The following DLG2 variants were observed in gnomAD, a reference collection of about 807,000 sequenced individuals.
The protein encoded by DLG2 is discs large MAGUK scaffold protein 2, also known as disks large homolog 2.
A neutral mutation model predicts 132.5 loss-of-function variants in DLG2; 45 were observed. The observed-to-expected ratio is 0.34, with a 90% CI of 0.27 to 0.44. The LOEUF (loss-of-function observed/expected upper bound fraction) is 0.44. Among genes scored for constraint, DLG2 ranks in the 20% least tolerant of loss-of-function variants. The pLI is 1.00. For synonymous variants in DLG2, 424 were observed against 419.6 expected (o/e 1.01, Z -0.13); for missense variants, 1,045 against 1,196.9 (o/e 0.87, Z 1.87).
intron 7 of DLG2, among the ~76,000 whole-genome samples, chr11:84,358,722 GT>G (rs2098632598): frequency 6.6e-6 from 1 of 151,828 alleles, no homozygotes; most frequent in Admixed American, 6.6e-5. Context: ...GACATACTCA[GT>G]TTTATAACTG....
intron 5 of DLG2, among the ~76,000 whole-genome samples, chr11:85,128,174 A>G (rs1016030779): frequency 6.6e-6 from 1 of 152,184 alleles, no homozygotes; most frequent in African/African-American, 2.4e-5. Flanking sequence ...CTTTATTAAC[A>G]AATTATAGCA....
At chr11:84,850,026 A>T (rs2081989625) in intron 6 of DLG2, among the ~76,000 whole-genome samples, 1 of 152,096 alleles carries the variant, frequency 6.6e-6, no homozygotes, top group Non-Finnish European at 1.5e-5. Context: ...TTATTTATTC[A>T]ATTTTGCCTT....
intron 21 of DLG2, among the ~76,000 whole-genome samples, chr11:83,500,759 C>T (rs920764917): frequency 6.6e-6 from 1 of 151,948 alleles, no homozygotes; most frequent in African/African-American, 2.4e-5. Flanking sequence ...TTCCACTGAG[C>T]CCTTAGCAAT....
intron 21 of DLG2, among the ~76,000 whole-genome samples, chr11:83,522,814 CCTT>C (rs1378669151): frequency 7.4e-5 from 7 of 94,084 alleles, no homozygotes; most frequent in African/African-American, 1.3e-4. Context: ...GCCCCCCCCC[CCTT>C]TTTTTTTTAA....
In DLG2 at chr11:85,464,770, T is replaced by C. The variant is rs553302907; in HGVS notation, c.40+133887A>G. Among the ~76,000 whole-genome samples the C allele has an allele frequency of 8.6e-5, 13 of 151,876 alleles. No homozygotes were observed. In the East Asian group the frequency reaches 2.3e-3, roughly 27 times the overall value. Reference sequence around the variant, plus strand: ...AGGCAGTTTAGTTTGGGAAGACAGCTTGGGGGTCAGAAGCATGATTGAGGC... The same window carrying C: ...AGGCAGTTTAGTTTGGGAAGACAGCCTGGGGGTCAGAAGCATGATTGAGGC... On this transcript the variant is annotated intron_variant, in intron 3 of 27. Coordinates refer to ENST00000376104, the MANE Select transcript of DLG2 (RefSeq NM_001142699.3).
intron 13 of DLG2, among the ~76,000 whole-genome samples, 171 bp downstream of exon 13, chr11:83,965,153 G>A (rs2089910372): frequency 6.6e-6 from 1 of 151,990 alleles, no homozygotes; most frequent in African/African-American, 2.4e-5. Flanking sequence ...CTTCAAACAG[G>A]AGGTAAGGGC....
chr11:85,010,839 C>G (rs1260559206), intron 6 of DLG2, among the ~76,000 whole-genome samples: 2 of 152,064 alleles, frequency 1.3e-5, no homozygotes, highest in Non-Finnish European at 2.9e-5. Flanking sequence ...CAAAAACCAT[C>G]CACTCACCTT....
At chr11:83,875,889 G>A (rs1306747074) in intron 15 of DLG2, among the ~76,000 whole-genome samples, 1 of 152,134 alleles carries the variant, frequency 6.6e-6, no homozygotes, top group Non-Finnish European at 1.5e-5. Flanking sequence ...GTCTAAGGTT[G>A]AGGGTACAGA....
intron 19 of DLG2, among the ~76,000 whole-genome samples, chr11:83,585,379 C>T (rs7108984): frequency 1.3e-5 from 2 of 152,058 alleles, no homozygotes; most frequent in African/African-American, 4.8e-5. Flanking sequence ...ACTTTTGGCC[C>T]GTTTATAAAG....
chr11:83,890,258 C>A (rs780748777), intron 15 of DLG2, among the ~76,000 whole-genome samples: 1 of 151,812 alleles, frequency 6.6e-6, no homozygotes, highest in Non-Finnish European at 1.5e-5. Flanking sequence ...TTTCATTTCA[C>A]ATAGGAAAGA....
rs1226304778 is a variant in DLG2 at position 83,564,944 on chromosome 11, G to A, written c.1941-23086C>T. ...ATTCCAAGTTGCCATTGCACTTTAT[G>A]CATTACCTAATCCAAACAGTTTACA... On this transcript the variant is annotated intron_variant, in intron 19 of 27. Transcript: ENST00000376104. Among the ~76,000 whole-genome samples the A allele has an allele frequency of 2.6e-5, 4 of 152,020 alleles. No homozygotes were observed. The South Asian group carries it at 8.3e-4, about 32-fold the overall frequency.
intron 6 of DLG2, among the ~76,000 whole-genome samples, chr11:84,902,937 T>C (rs752785090): frequency 2.1e-5 from 3 of 144,888 alleles, no homozygotes; most frequent in African/African-American, 5.0e-5. Context: ...CCTAAATCTT[T>C]CTTCATTAGG....
At chr11:83,996,584 T>A (rs1192982055) in intron 11 of DLG2, among the ~76,000 whole-genome samples, 1 of 152,136 alleles carries the variant, frequency 6.6e-6, no homozygotes, top group Non-Finnish European at 1.5e-5. Context: ...GATCAACAGA[T>A]GAATGGATAC....
At chr11:85,484,297 A>T (rs1289327932) in intron 3 of DLG2, among the ~76,000 whole-genome samples, 1 of 133,320 alleles carries the variant, frequency 7.5e-6, no homozygotes, top group Non-Finnish European at 1.6e-5. Flanking sequence ...ATGGGCAAAG[A>T]CTTCATGTCT....
At chr11:84,747,956 C>T (rs547908947) in intron 6 of DLG2, among the ~76,000 whole-genome samples, 74 of 152,256 alleles carry the variant, frequency 4.9e-4, no homozygotes, top group South Asian at 3.1e-3. Flanking sequence ...AAGTCATTTT[C>T]CCCTCTGTGG....
At chr11:83,890,765 AC>A (rs1300226921) in intron 15 of DLG2, among the ~76,000 whole-genome samples, 24 of 152,160 alleles carry the variant, frequency 1.6e-4, no homozygotes, top group Non-Finnish European at 3.5e-4. Flanking sequence ...AGGCAGAGTG[AC>A]GTGGGTATAG....
At position 83,753,864 on chromosome 11, in the gene DLG2, T is replaced by TATA. The variant is rs1566832755; in HGVS notation, c.1825+32825_1825+32826insTAT. ...TATATCATATATATCATATATATAT[T>TATA]TCATATATATGATATATATCATATA... On this transcript the variant is annotated intron_variant, in intron 18 of 27. Transcript: ENST00000376104. Among the ~76,000 whole-genome samples, 23 of 10,590 alleles carry TATA rather than the reference T, an allele frequency of 2.2e-3. 1 individual carries two copies. The African/African-American group carries it at 0.027, about 12-fold the overall frequency. The allele number at this position is 10,590 out of a possible 152,430, so 6.9% of individuals were successfully genotyped here.
intron 3 of DLG2, among the ~76,000 whole-genome samples, chr11:85,410,863 G>T (rs1001297070): frequency 1.3e-5 from 2 of 151,662 alleles, no homozygotes; most frequent in African/African-American, 4.8e-5. Context: ...AACTAAAACA[G>T]CCACCCCCAA....
chr11:83,701,074 T>C (rs761296939), intron 18 of DLG2, among the ~76,000 whole-genome samples: 3 of 152,188 alleles, frequency 2.0e-5, no homozygotes, highest in Admixed American at 6.5e-5. Context: ...TAGATGCTTC[T>C]TTAAGTAGAT....
Sources: allele counts gnomAD v4.1 joint callset (sites outside exome capture counted in the v4.1 genomes callset), GRCh38; gene constraint gnomAD v4.1.1; transcripts MANE v1.5; gene names NCBI Gene and HGNC (gene_info 2026-07-23, HGNC 2026-07-21).